The following AGO2 variants were observed in gnomAD, a reference collection of about 807,000 sequenced individuals.
AGO2 encodes the protein argonaute RISC catalytic component 2.
In AGO2, 5 loss-of-function variants were observed where a neutral mutation model predicts 102.3. That is an observed-to-expected ratio of 0.05 (90% CI 0.03 to 0.10). AGO2 has a LOEUF of 0.10. AGO2 is among the 10% of genes least tolerant of loss of function. The probability of loss-of-function intolerance (pLI) is 1.00; values close to 1 mark genes in which losing one functional copy is unlikely to be tolerated. For missense variants in AGO2, 541 were observed against 1,183.7 expected, an observed-to-expected ratio of 0.46 and a Z score of 7.97; for synonymous variants, 449 against 473.1, an observed-to-expected ratio of 0.95 and a Z score of 0.66.
chr8:140,558,676 G>A, intron 6 of AGO2, 104 bp from the exon 7 acceptor site: 1 of 1,263,410 alleles, frequency 7.9e-7, no homozygotes, highest in South Asian at 1.2e-5. Context: ...GGGGACCCAA[G>A]TTATGGGGGG....
intron 1 of AGO2, among the ~76,000 whole-genome samples, chr8:140,595,887 A>ATT (rs1564106989): frequency 2.5e-5 from 3 of 119,780 alleles, no homozygotes; most frequent in African/African-American, 1.0e-4. Flanking sequence ...TATAATATAT[A>ATT]ATTATATATA....
intron 1 of AGO2, among the ~76,000 whole-genome samples, chr8:140,599,889 T>C (rs9324526): frequency 0.8 from 121,831 of 152,158 alleles, 49,041 homozygotes; most frequent in Admixed American, 0.84. Context: ...ACCTGGCTGA[T>C]TTTTGTATTT....
rs534398817 is a variant in AGO2 at position 140,526,666 on chromosome 8, T to A, written c.*5378A>T. ...GAGGTAGCCTTTATCTGCATTTTTT[T>A]TTAAACTAAAAGGTATTTAGGAACC... On this transcript the variant is annotated 3_prime_UTR_variant, in exon 19 of 19. Coordinates refer to ENST00000220592, the MANE Select transcript of AGO2 (RefSeq NM_012154.5). This position sits in a 1 kb window ranked among gnomAD's most constrained non-coding sequence, Gnocchi z 5.2. 2.0e-5 allele frequency: 3 copies of A among 152,324 alleles called. No homozygotes were observed. In the East Asian group the frequency reaches 5.8e-4, roughly 29 times the overall value. 9.4% of individuals were successfully genotyped at this position (152,324 alleles called of 1,614,324 possible). A position where few individuals can be genotyped will look rare whatever the true frequency, so the allele number is the denominator to read the frequency against.
intron 11 of AGO2, among the ~76,000 whole-genome samples, chr8:140,550,367 C>T (rs1230507425): frequency 6.6e-6 from 1 of 152,196 alleles, no homozygotes; most frequent in Non-Finnish European, 1.5e-5. Context: ...GGCACAAAGG[C>T]ACGAGCCACC....
In AGO2 at chr8:140,630,880, T is replaced by C. The variant is rs138626610; in HGVS notation, c.22+4605A>G. ...AACAGCCTGGGCAACATGTCAGGAC[T>C]CCATCTCTAAAAAAGTAAAACACCT... On this transcript the variant is annotated intron_variant, in intron 1 of 18. Coordinates refer to ENST00000220592, the MANE Select transcript of AGO2 (RefSeq NM_012154.5). 1.2e-3 allele frequency among the ~76,000 whole-genome samples: 180 copies of C among 152,246 alleles called. 1 individual carries two copies. The highest frequency in any genetic ancestry group is 7.0e-3 in the South Asian group (34 of 4,824).
intron 1 of AGO2, among the ~76,000 whole-genome samples, chr8:140,598,836 C>A (rs1403590793): frequency 6.6e-6 from 1 of 152,216 alleles, no homozygotes; most frequent in Non-Finnish European, 1.5e-5. Context: ...TTTTCAGGGC[C>A]CAAACCCAGA....
intron 1 of AGO2, among the ~76,000 whole-genome samples, chr8:140,618,520 T>C (rs1263130173): frequency 6.6e-6 from 1 of 151,658 alleles, no homozygotes; most frequent in Non-Finnish European, 1.5e-5. Flanking sequence ...ACAAATATGC[T>C]TCCCCCAAAT....
In AGO2 at chr8:140,535,077, G is replaced by A. The variant is rs531943762; in HGVS notation, c.2271+391C>T. On this transcript the variant is annotated intron_variant, in intron 17 of 18. Transcript: ENST00000220592. The stretch of plus-strand genomic sequence containing the variant: ...CTGCGCCAAGTGCTCGTGAATCGAC[G>A]CCAAGTCTGCCCCATGCGGCCCCTG... 5.1e-4 allele frequency among the ~76,000 whole-genome samples: 77 copies of A among 152,306 alleles called. 1 individual carries two copies. The highest frequency in any genetic ancestry group is 3.7e-3 in the South Asian group (18 of 4,830).
chr8:140,532,006 A>T lies in AGO2; in HGVS notation c.*38T>A. On this transcript the variant is annotated 3_prime_UTR_variant, in exon 19 of 19. Coordinates refer to ENST00000220592, the MANE Select transcript of AGO2 (RefSeq NM_012154.5). Reference sequence around the variant, plus strand: ...GGTCTGAGTGTAGCTGGTCTCGTGAATCCCACTCGGTACACAATCGCTAAA... The same window carrying T: ...GGTCTGAGTGTAGCTGGTCTCGTGATTCCCACTCGGTACACAATCGCTAAA... The T allele has an allele frequency of 1.3e-6, 2 of 1,588,008 alleles. No individual in the cohort carries two copies. The highest frequency in any genetic ancestry group is 1.7e-6 in the Non-Finnish European group (2 of 1,156,956).
At chr8:140,534,955 G>C (rs2072669893) in intron 17 of AGO2, among the ~76,000 whole-genome samples, 1 of 152,226 alleles carries the variant, frequency 6.6e-6, no homozygotes, top group Admixed American at 6.5e-5. Context: ...AGAGCCTCAA[G>C]GTGGTAACCA....
At chr8:140,625,100 T>A (rs2074259694) in intron 1 of AGO2, among the ~76,000 whole-genome samples, 1 of 152,154 alleles carries the variant, frequency 6.6e-6, no homozygotes, top group Non-Finnish European at 1.5e-5. Flanking sequence ...GCGTCCCTCC[T>A]CTGCTCAGTC....
In AGO2 at chr8:140,573,676, C is replaced by T. The variant is rs553027581; in HGVS notation, c.216-744G>A. Reference sequence around the variant, plus strand: ...AGATGACAGACACTTCCAGAACCTCCGGAGCTCTGTGAAGGCACTGACGAG... The same window carrying T: ...AGATGACAGACACTTCCAGAACCTCTGGAGCTCTGTGAAGGCACTGACGAG... On this transcript the variant is annotated intron_variant, in intron 2 of 18. Coordinates refer to ENST00000220592, the MANE Select transcript of AGO2 (RefSeq NM_012154.5). 3.4e-3 allele frequency among the ~76,000 whole-genome samples: 515 copies of T among 152,328 alleles called. 3 individuals are homozygous for T. The highest frequency in any genetic ancestry group is 0.011 in the African/African-American group (470 of 41,576).
Position 140,572,885 on chromosome 8 carries a change from C to A in AGO2, c.263G>T (p.Gly88Val), listed in dbSNP as rs200933426. The A allele has an allele frequency of 1.0e-4, 162 of 1,614,078 alleles. 1 individual carries two copies. Among genetic ancestry groups the A allele is most frequent in the Non-Finnish European group, 1.3e-5 (15 of 1,180,000 alleles). Reference protein sequence around the residue: ...MVQHFKTQIFGDRKPVFDGRK... With the variant: ...MVQHFKTQIFVDRKPVFDGRK... ...GCCGTCAAACACGGGCTTCCGATCC[C>A]CAAAGATCTGTGTTTTAAAGTGCTG... Residue 88 changes from glycine to valine, a missense_variant, in exon 3 of 19, where the codon GGG becomes GTG. By Grantham distance (109) the Gly-to-Val change is moderately radical. Around this residue, in one of 6 missense-constraint regions of AGO2, gnomAD observed 147 missense variants for 204.1 expected, o/e 0.72. Coordinates refer to ENST00000220592, the MANE Select transcript of AGO2 (RefSeq NM_012154.5).
chr8:140,606,604 T>A (rs2074001507), intron 1 of AGO2, among the ~76,000 whole-genome samples: 1 of 152,182 alleles, frequency 6.6e-6, no homozygotes, highest in South Asian at 2.1e-4. Flanking sequence ...ACACACAAAG[T>A]TATCATCTTG....
chr8:140,564,309 C>A (rs1354842222), intron 3 of AGO2, among the ~76,000 whole-genome samples: 1 of 140,548 alleles, frequency 7.1e-6, no homozygotes, highest in Non-Finnish European at 1.5e-5. Context: ...TGGGGGGACG[C>A]AATCAAGGCT....
At position 140,531,352 on chromosome 8, in the gene AGO2, T is replaced by C. The variant is rs1315820258; in HGVS notation, c.*692A>G. The C allele has an allele frequency of 2.0e-5, 3 of 152,612 alleles. No homozygotes were observed. The highest frequency in any genetic ancestry group is 4.4e-5 in the Non-Finnish European group (3 of 68,062). The allele number at this position is 152,612 out of a possible 1,614,324, so 9.5% of individuals were successfully genotyped here. On this transcript the variant is annotated 3_prime_UTR_variant, in exon 19 of 19. Transcript: ENST00000220592. ...TGTCTTTTTTCTTTTTTTAAATACA[T>C]TTTTTATTAAAATGGCACTTGTCTG...
chr8:140,590,159 G>A (rs2073726240), intron 1 of AGO2, among the ~76,000 whole-genome samples: 1 of 152,160 alleles, frequency 6.6e-6, no homozygotes, highest in Non-Finnish European at 1.5e-5. Flanking sequence ...ACAGAGACGC[G>A]TCTGGCCCAG....
chr8:140,600,653 C>G (rs1267088608), intron 1 of AGO2, among the ~76,000 whole-genome samples: 2 of 151,050 alleles, frequency 1.3e-5, no homozygotes, highest in African/African-American at 4.9e-5. Context: ...GCACTCCAGT[C>G]TGGGCAACAA....
At chr8:140,536,793 G>C (rs905407755) in intron 16 of AGO2, among the ~76,000 whole-genome samples, 4 of 152,200 alleles carry the variant, frequency 2.6e-5, no homozygotes, top group Admixed American at 6.5e-5. Flanking sequence ...AGATCTGGGG[G>C]CTGCAGCGGG....
Sources: allele counts gnomAD v4.1 joint callset (sites outside exome capture counted in the v4.1 genomes callset), GRCh38; gene constraint gnomAD v4.1.1; regional missense constraint gnomAD v4.1.1; non-coding constraint Gnocchi (gnomAD v3.1); transcripts MANE v1.5; gene names NCBI Gene and HGNC (gene_info 2026-07-23, HGNC 2026-07-21).